CNBD2: variants seen among roughly 807,000 people sequenced by gnomAD.
CNBD2 encodes the protein cyclic nucleotide-binding domain-containing protein 2.
A neutral mutation model predicts 63.7 loss-of-function variants in CNBD2; 64 were observed. That is an observed-to-expected ratio of 1.00 (90% CI 0.82 to 1.24). The LOEUF (loss-of-function observed/expected upper bound fraction) is 1.24, where lower values mean the gene tolerates loss of function less well. Among genes scored for constraint, CNBD2 ranks in the 50% most tolerant of loss-of-function variants. The pLI is 0.00. For synonymous variants in CNBD2, 229 were observed against 255.4 expected (o/e 0.90, Z 0.99); for missense variants, 691 against 713.5 (o/e 0.97, Z 0.36).
downstream of CNBD2, among the ~76,000 whole-genome samples, chr20:35,956,504 A>G (rs2056258385): frequency 6.6e-6 from 1 of 152,178 alleles, no homozygotes; most frequent in African/African-American, 2.4e-5. Context: ...GTTCTCTGAA[A>G]TAGAATGTTG....
intron 2 of CNBD2, among the ~76,000 whole-genome samples, chr20:35,960,428 A>C (rs2056296735): frequency 6.6e-6 from 1 of 152,202 alleles, no homozygotes; most frequent in Non-Finnish European, 1.5e-5. Flanking sequence ...CTGCAGCGTC[A>C]AACTCCTGGG....
At chr20:35,956,545 C>T (rs752004930), downstream of CNBD2, among the ~76,000 whole-genome samples, 3 of 152,140 alleles carry the variant, frequency 2.0e-5, no homozygotes, top group Admixed American at 6.5e-5. Context: ...CAGGTTGTTG[C>T]TTTATTTAGA....
intron 7 of CNBD2, among the ~76,000 whole-genome samples, chr20:35,994,330 G>A (rs991602095): frequency 5.3e-5 from 8 of 152,018 alleles, no homozygotes; most frequent in Non-Finnish European, 7.4e-5. Flanking sequence ...CTCCCAAAGT[G>A]CTAGGATTAC....
At chr20:35,978,132 C>A (rs1020357310) in intron 3 of CNBD2, among the ~76,000 whole-genome samples, 1 of 152,130 alleles carries the variant, frequency 6.6e-6, no homozygotes, top group Non-Finnish European at 1.5e-5. Flanking sequence ...TGAAGAAAAG[C>A]AAATTGTGCA....
At chr20:36,028,474 G>A (rs2057306555) in intron 11 of CNBD2, among the ~76,000 whole-genome samples, 1 of 152,132 alleles carries the variant, frequency 6.6e-6, no homozygotes, top group Admixed American at 6.6e-5. Context: ...CGGTGGCAGA[G>A]GTACCTGTCC....
intron 2 of CNBD2, among the ~76,000 whole-genome samples, chr20:35,963,198 A>G (rs1318496115): frequency 1.3e-5 from 2 of 151,692 alleles, no homozygotes; most frequent in Non-Finnish European, 2.9e-5. Context: ...AAAATTAGTC[A>G]GTCATGGTGG....
chr20:35,969,336 CAGTA>C (rs1280512311), intron 1 of CNBD2, among the ~76,000 whole-genome samples: 4 of 152,128 alleles, frequency 2.6e-5, no homozygotes, highest in Admixed American at 6.5e-5. Flanking sequence ...AAATTGTACT[CAGTA>C]AGTATTAATT....
At chr20:36,028,254 G>C (rs1442983393) in intron 11 of CNBD2, among the ~76,000 whole-genome samples, 1 of 151,952 alleles carries the variant, frequency 6.6e-6, no homozygotes, top group African/African-American at 2.4e-5. Flanking sequence ...AGAGTTGAGT[G>C]GGGGCAGATG....
At chr20:36,028,651 A>G (rs567303806) in intron 11 of CNBD2, among the ~76,000 whole-genome samples, 7 of 148,342 alleles carry the variant, frequency 4.7e-5, no homozygotes, top group African/African-American at 1.8e-4. Flanking sequence ...AATGCTGGGG[A>G]TTGCCCAGGA....
chr20:36,002,399 G>A (rs1262955527), intron 8 of CNBD2, among the ~76,000 whole-genome samples: 1 of 152,150 alleles, frequency 6.6e-6, no homozygotes, highest in African/African-American at 2.4e-5. Context: ...AAGAGGGAGA[G>A]GGAGAGGGAG....
At chr20:35,962,630 C>T (rs562076549) in intron 2 of CNBD2, among the ~76,000 whole-genome samples, 78 of 152,234 alleles carry the variant, frequency 5.1e-4, no homozygotes, top group African/African-American at 1.8e-3. Flanking sequence ...TGTTCATGCA[C>T]CTCTGTCAAA....
chr20:35,954,474 C>T, upstream of CNBD2: 5 of 1,547,140 alleles, frequency 3.2e-6, no homozygotes, highest in Non-Finnish European at 4.4e-6. Flanking sequence ...CCTGCGGCAG[C>T]CGGAAGCGAA....
chr20:35,998,499 T>A (rs893952429), intron 8 of CNBD2, among the ~76,000 whole-genome samples: 5 of 152,212 alleles, frequency 3.3e-5, no homozygotes, highest in African/African-American at 1.2e-4. Context: ...TCTATGAATG[T>A]TAAGTAGGTG....
chr20:36,007,189 AAAAT>A (rs553581625), intron 8 of CNBD2, among the ~76,000 whole-genome samples: 4 of 151,602 alleles, frequency 2.6e-5, no homozygotes, highest in Non-Finnish European at 4.4e-5. Flanking sequence ...AATCCTCTCA[AAAAT>A]AAATAAATAA....
intron 1 of CNBD2, among the ~76,000 whole-genome samples, chr20:35,969,733 A>G (rs375514196): frequency 2.6e-5 from 4 of 152,196 alleles, no homozygotes; most frequent in African/African-American, 9.7e-5. Flanking sequence ...ATTTGTTTTC[A>G]GCCATTCACT....
At chr20:35,960,704 T>C (rs2056299636) in intron 2 of CNBD2, among the ~76,000 whole-genome samples, 1 of 5,492 alleles carries the variant, frequency 1.8e-4, no homozygotes, top group African/African-American at 1.7e-3. Flanking sequence ...TTCTCTTCCC[T>C]TCTCTTCCCT....
chr20:35,996,552 G>C (rs2056828655), intron 8 of CNBD2, among the ~76,000 whole-genome samples: 2 of 146,826 alleles, frequency 1.4e-5, no homozygotes, highest in South Asian at 4.3e-4. Context: ...CTGTTGCCCA[G>C]GCTGGAGTGC....
chr20:36,004,700 C>CTA (rs1193857590), intron 8 of CNBD2, among the ~76,000 whole-genome samples: 1 of 151,942 alleles, frequency 6.6e-6, no homozygotes, highest in African/African-American at 2.4e-5. Context: ...GTAGCTGGGA[C>CTA]TATAGGCATG....
intron 8 of CNBD2, among the ~76,000 whole-genome samples, chr20:36,007,082 A>G (rs34385382): frequency 0.036 from 5,436 of 152,092 alleles, 345 homozygotes; most frequent in African/African-American, 0.13. Flanking sequence ...CCAGCTACTC[A>G]GGAGGCTGAG....
Sources: gnomAD v4.1 joint callset for allele counts (sites outside exome capture counted in the v4.1 genomes callset) on GRCh38, gnomAD v4.1.1 for gene constraint, MANE v1.5 for transcripts, NCBI Gene and HGNC (gene_info 2026-07-23, HGNC 2026-07-21) for gene names.